The following DNM1 variants were observed in gnomAD, a reference collection of about 807,000 sequenced individuals.
The protein encoded by DNM1 is dynamin 1, also known as dynamin-1.
DNM1 carries 29 observed loss-of-function variants against 104.6 expected under a neutral mutation model. The observed-to-expected ratio is 0.28, with a 90% confidence interval of 0.21 to 0.38. The LOEUF (loss-of-function observed/expected upper bound fraction) is 0.38, where lower values mean the gene tolerates loss of function less well. DNM1 is among the 10% of genes least tolerant of loss of function. The probability of loss-of-function intolerance (pLI) is 1.00; values close to 1 mark genes in which losing one functional copy is unlikely to be tolerated. For missense variants in DNM1, 640 were observed against 1,189.4 expected, an observed-to-expected ratio of 0.54 and a Z score of 6.79; for synonymous variants, 445 against 475.8, an observed-to-expected ratio of 0.94 and a Z score of 0.84.
At chr9:128,238,676 G>C (rs562589547) in intron 11 of DNM1, among the ~76,000 whole-genome samples, 1 of 144,932 alleles carries the variant, frequency 6.9e-6, no homozygotes, top group African/African-American at 2.6e-5. Context: ...TTTCTTTTGA[G>C]GTGGAGTCTC....
intron 10 of DNM1, chr9:128,232,068 G>A (rs1468332322): frequency 2.2e-6 from 1 of 456,148 alleles, no homozygotes; most frequent in South Asian, 1.6e-5. Flanking sequence ...CAAAGGGGTG[G>A]AGGCTGCCCT....
intron 11 of DNM1, among the ~76,000 whole-genome samples, chr9:128,237,858 C>G (rs1292584467): frequency 6.6e-6 from 1 of 151,966 alleles, no homozygotes; most frequent in African/African-American, 2.4e-5. Flanking sequence ...ACTGCAACCT[C>G]TGCATCCCTG....
At chr9:128,241,782 G>A (rs760428326) in intron 14 of DNM1, among the ~76,000 whole-genome samples, 9 of 152,198 alleles carry the variant, frequency 5.9e-5, no homozygotes, top group Non-Finnish European at 1.0e-4. Flanking sequence ...ATACTCAAAG[G>A]CTGAGTAGGA....
intron 1 of DNM1, among the ~76,000 whole-genome samples, chr9:128,209,157 C>T (rs918563857): frequency 5.9e-5 from 9 of 152,196 alleles, no homozygotes; most frequent in Non-Finnish European, 1.2e-4. Flanking sequence ...ACGTGCTAAG[C>T]ACACACTGCC....
chr9:128,249,317 T>G (rs1037015791), intron 19 of DNM1, among the ~76,000 whole-genome samples: 1 of 151,318 alleles, frequency 6.6e-6, no homozygotes, highest in Non-Finnish European at 1.5e-5. Context: ...CAAGACCAGC[T>G]TGGGCAACAC....
At chr9:128,217,980 A>G (rs1395144389) in intron 1 of DNM1, among the ~76,000 whole-genome samples, 1 of 152,220 alleles carries the variant, frequency 6.6e-6, no homozygotes, top group Non-Finnish European at 1.5e-5. Flanking sequence ...CACAGGACGT[A>G]TCTAGGAGTT....
At chr9:128,225,607 C>G (rs1254696416) in intron 10 of DNM1, among the ~76,000 whole-genome samples, 3 of 152,152 alleles carry the variant, frequency 2.0e-5, no homozygotes, top group African/African-American at 7.2e-5. Flanking sequence ...TGGCCTTGTC[C>G]TGGCCTGGGT....
At chr9:128,252,017 A>G (rs560184757) in intron 21 of DNM1, 3 of 177,422 alleles carry the variant, frequency 1.7e-5, no homozygotes, top group African/African-American at 4.8e-5. Flanking sequence ...GCAGCATGGT[A>G]TTGGGCAAGA....
chr9:128,245,171 C>T lies in DNM1; in HGVS notation c.1672-1223C>T, dbSNP rs1018055771. On this transcript the variant is annotated intron_variant, in intron 15 of 21. Transcript: ENST00000372923. This position sits in a 1 kb window ranked among gnomAD's most constrained non-coding sequence, Gnocchi z 5.2. ...AGATGTTCCCTGGCCGTGTGTGCAA[C>T]TTCCTCCTCTCCTCCCCCAGCCGCC... The T allele has an allele frequency of 6.0e-6, 1 of 167,644 alleles. No homozygotes were observed. The highest frequency in any genetic ancestry group is 1.3e-5 in the Non-Finnish European group (1 of 75,980). 10.4% of individuals were successfully genotyped at this position (167,644 alleles called of 1,614,324 possible).
intron 1 of DNM1, among the ~76,000 whole-genome samples, chr9:128,211,053 G>T (rs1834259714): frequency 6.6e-6 from 1 of 152,072 alleles, no homozygotes; most frequent in South Asian, 2.1e-4. Flanking sequence ...CTGGCCAGAG[G>T]CCCCAAGATC....
Position 128,254,611 on chromosome 9 carries a change from C to T in DNM1, c.2535-43C>T, listed in dbSNP as rs761451400. ...GCTTGCCTTACCAGCTCTCTCCTCG[C>T]TTTTCTCTCCCGTTTTCTCTCTGCT... On this transcript the variant is annotated intron_variant, in intron 21 of 21. Transcript: ENST00000372923. This position sits in a 1 kb window ranked among gnomAD's most constrained non-coding sequence, Gnocchi z 6.1. 6.3e-7 allele frequency: 1 copy of T among 1,596,104 alleles called. No homozygotes were observed. The highest frequency in any genetic ancestry group is 1.3e-5 in the African/African-American group (1 of 74,952).
chr9:128,219,295 G>T lies in DNM1; in HGVS notation c.589+43G>T, dbSNP rs536784796. The T allele has an allele frequency of 1.9e-6, 3 of 1,546,512 alleles. No homozygotes were observed. In the South Asian group the frequency reaches 3.3e-5, roughly 17 times the overall value. On this transcript the variant is annotated intron_variant, in intron 4 of 21. Coordinates refer to ENST00000372923, the MANE Select transcript of DNM1 (RefSeq NM_004408.4). ...GGCCAATGCACAAAACCCCAGGCTT[G>T]CAGGCTGTCTATTCTTAGTGTAAAG...
intron 10 of DNM1, among the ~76,000 whole-genome samples, chr9:128,230,476 G>A (rs1353012156): frequency 6.8e-6 from 1 of 147,300 alleles, no homozygotes; most frequent in African/African-American, 2.5e-5. Context: ...TTGAGATGGA[G>A]TTTCGCTCTT....
chr9:128,213,468 C>A (rs766930358), intron 1 of DNM1, among the ~76,000 whole-genome samples: 12 of 111,238 alleles, frequency 1.1e-4, no homozygotes, highest in African/African-American at 1.4e-4. Flanking sequence ...AATACAAAGT[C>A]ATCAACCCTT....
Position 128,254,920 on chromosome 9 carries a change from A to G in DNM1, c.*206A>G, listed in dbSNP as rs866562396. On this transcript the variant is annotated 3_prime_UTR_variant, in exon 22 of 22. Transcript: ENST00000372923. This position sits in a 1 kb window ranked among gnomAD's most constrained non-coding sequence, Gnocchi z 6.1. ...GGTATGCCCTTGCCCTGTTCTATAA[A>G]TATCTATAAATACTCATATATATAC... is the stretch of plus-strand genomic sequence containing the variant. 1.8e-6 allele frequency: 1 copy of G among 547,974 alleles called. No individual in the cohort carries two copies. The allele number at this position is 547,974 out of a possible 1,614,324, so 33.9% of individuals were successfully genotyped here.
chr9:128,229,365 C>T (rs1012867196), intron 10 of DNM1, among the ~76,000 whole-genome samples: 2 of 148,834 alleles, frequency 1.3e-5, no homozygotes, highest in Non-Finnish European at 1.5e-5. Flanking sequence ...TTTAGAGACC[C>T]TGTCTCTAAA....
At chr9:128,211,198 C>T (rs1033825783) in intron 1 of DNM1, among the ~76,000 whole-genome samples, 1 of 152,128 alleles carries the variant, frequency 6.6e-6, no homozygotes, top group African/African-American at 2.4e-5. Context: ...CTCCCTTGCC[C>T]CCTAATCCAT....
chr9:128,216,452 T>C (rs1193588179), intron 1 of DNM1, among the ~76,000 whole-genome samples: 3 of 152,198 alleles, frequency 2.0e-5, no homozygotes, highest in Non-Finnish European at 2.9e-5. Context: ...ATTTATTGAG[T>C]GCCCCTTGTG....
Position 128,246,423 on chromosome 9 carries a change from G to T in DNM1, c.1701G>T (p.Val567=), listed in dbSNP as rs1221524175. ...EEKEKKYMLS[V]DNLKLRDVEK... ...AAGAGAAGAAATACATGCTGTCTGT[G>T]GACAACCTCAAGCTGCGGGACGTGG... The change falls in exon 16 of 22, where the codon GTG becomes GTT. Residue 567 remains valine (V), a synonymous_variant. Transcript: ENST00000372923. 6.2e-7 allele frequency: 1 copy of T among 1,613,944 alleles called. No homozygotes were observed. The highest frequency in any genetic ancestry group is 8.5e-7 in the Non-Finnish European group (1 of 1,179,952).
Sources: allele counts gnomAD v4.1 joint callset (sites outside exome capture counted in the v4.1 genomes callset), GRCh38; gene constraint gnomAD v4.1.1; non-coding constraint Gnocchi (gnomAD v3.1); transcripts MANE v1.5; gene names NCBI Gene and HGNC (gene_info 2026-07-23, HGNC 2026-07-21).